SEMA4B: variants seen among roughly 807,000 people sequenced by gnomAD.
SEMA4B encodes the protein semaphorin-4B.
Under a neutral mutation model 88.1 loss-of-function variants are expected in SEMA4B, and 55 were observed. The ratio of observed to expected loss-of-function variants is 0.62; its 90% CI spans 0.50 to 0.78. The LOEUF (loss-of-function observed/expected upper bound fraction) is 0.78, where lower values mean the gene tolerates loss of function less well. Ranked by LOEUF, SEMA4B falls within the 30% of genes least tolerant of loss-of-function variation. The pLI, the probability that SEMA4B is intolerant of heterozygous loss-of-function variation, is 0.00. For synonymous variants in SEMA4B, 525 were observed against 473.6 expected, an observed-to-expected ratio of 1.11 and a Z score of -1.41; for missense variants, 1,062 against 1,111.9, an observed-to-expected ratio of 0.96 and a Z score of 0.64.
At position 90,219,844 on chromosome 15, in the gene SEMA4B, C is replaced by G. The variant is rs1312550743; in HGVS notation, c.436C>G (p.Leu146Val). Residue 146 changes from leucine (L) to valine (V), a missense_variant, in exon 4 of 14, where the codon CTG becomes GTG. Coordinates refer to ENST00000411539, the MANE Select transcript of SEMA4B (RefSeq NM_198925.4). ...CCTCCTGCCGCTCAGCGGCAGTCAC[C>G]TGTTCACCTGTGGCACAGCAGCCTT... ...KILLPLSGSH[L>V]FTCGTAAFSP... 1 of 1,613,716 alleles carries G rather than the reference C, an allele frequency of 6.2e-7. No homozygotes were observed. Among genetic ancestry groups the G allele is most frequent in the Non-Finnish European group, 8.5e-7 (1 of 1,179,854 alleles).
upstream of SEMA4B, chr15:90,201,173 C>A (rs1960692721): frequency 3.3e-6 from 1 of 304,326 alleles, no homozygotes; most frequent in African/African-American, 2.3e-5. Context: ...CCCAGCGCTC[C>A]GGCGGCCGCC....
At chr15:90,205,849 C>T (rs564629841) in intron 1 of SEMA4B, among the ~76,000 whole-genome samples, 35 of 152,302 alleles carry the variant, frequency 2.3e-4, no homozygotes, top group Non-Finnish European at 3.5e-4. Flanking sequence ...ACCAGGGGTC[C>T]TGCTTAATTA....
At chr15:90,191,099 T>A (rs191266342) in intron 1 of SEMA4B, among the ~76,000 whole-genome samples, 2 of 152,308 alleles carry the variant, frequency 1.3e-5, no homozygotes, top group East Asian at 3.9e-4. Flanking sequence ...TGTTCTACCC[T>A]GTCAGGGCAG....
intron 1 of SEMA4B, among the ~76,000 whole-genome samples, chr15:90,214,328 CAA>C (rs11289702): frequency 1.1e-3 from 94 of 89,216 alleles, no homozygotes; most frequent in African/African-American, 1.3e-3. Flanking sequence ...AACTCCGTCT[CAA>C]AAAAAAAAAA....
chr15:90,228,657 G>C lies in SEMA4B; in HGVS notation c.*14G>C. 2 of 1,612,896 alleles carry C rather than the reference G, an allele frequency of 1.2e-6. No homozygotes were observed. The highest frequency in any genetic ancestry group is 1.7e-6 in the Non-Finnish European group (2 of 1,179,836). On this transcript the variant is annotated 3_prime_UTR_variant, in exon 14 of 14. Coordinates refer to ENST00000411539, the MANE Select transcript of SEMA4B (RefSeq NM_198925.4). ...TCTGTGGTGTGAGAGCTGACTTCCA[G>C]AGGACGCTGCCCTGGCTTCAGGGGC...
intron 1 of SEMA4B, among the ~76,000 whole-genome samples, chr15:90,188,252 T>C (rs960980325): frequency 1.3e-5 from 2 of 151,798 alleles, no homozygotes; most frequent in Non-Finnish European, 1.5e-5. Context: ...CAAGGGAGGT[T>C]GAGGCTTCAG....
At chr15:90,222,824 G>A (rs1961928893) in intron 7 of SEMA4B, among the ~76,000 whole-genome samples, 1 of 151,822 alleles carries the variant, frequency 6.6e-6, no homozygotes. Flanking sequence ...GAAATGTGGT[G>A]GGCAGTGACT....
At chr15:90,188,109 A>G (rs1300020846) in intron 1 of SEMA4B, among the ~76,000 whole-genome samples, 2 of 151,696 alleles carry the variant, frequency 1.3e-5, no homozygotes, top group Non-Finnish European at 1.5e-5. Context: ...GCTTGAGTCC[A>G]GGAGTTCGAG....
upstream of SEMA4B, among the ~76,000 whole-genome samples, chr15:90,197,930 A>ATT (rs564036454): frequency 2.8e-5 from 4 of 143,128 alleles, no homozygotes; most frequent in African/African-American, 5.2e-5. Context: ...TAATTAATTA[A>ATT]TTTTTTTTTT....
chr15:90,223,620 T>A lies in SEMA4B; in HGVS notation c.923T>A (p.Leu308Gln). 6.2e-7 allele frequency: 1 copy of A among 1,613,428 alleles called. No individual in the cohort carries two copies. The highest frequency in any genetic ancestry group is 8.5e-7 in the Non-Finnish European group (1 of 1,179,748). Residue 308 changes from leucine to glutamine, a missense_variant, in exon 8 of 14, where the codon CTG becomes CAG. Coordinates refer to ENST00000411539, the MANE Select transcript of SEMA4B (RefSeq NM_198925.4). ...TGGACCTCCTTCCTCAAGGCCCAGC[T>A]GCTGTGCTCACGGCCCGACGATGGC... ...QRWTSFLKAQ[L>Q]LCSRPDDGFP...
rs577417225 is a variant in SEMA4B at position 90,225,759 on chromosome 15, C to T, written c.1620C>T (p.Asp540=). Residue 540 remains aspartate, a synonymous_variant, in exon 12 of 14, where the codon GAC becomes GAT. Transcript: ENST00000411539. ...GTGGGGACTGCCTCCTCGCCCGGGACCCCTACTGTGCTTGGAGCGGCTCCA... is the reference window on the plus strand; with the variant it reads ...GTGGGGACTGCCTCCTCGCCCGGGATCCCTACTGTGCTTGGAGCGGCTCCA... The part of the protein sequence containing the change: ...RSCGDCLLAR[D]PYCAWSGSSC... The T allele has an allele frequency of 2.5e-6, 4 of 1,577,812 alleles. No homozygotes were observed. Among genetic ancestry groups the T allele is most frequent in the East Asian group, 2.3e-5 (1 of 42,712 alleles).
chr15:90,222,532 T>TG (rs1377618158), intron 7 of SEMA4B, among the ~76,000 whole-genome samples: 1 of 151,686 alleles, frequency 6.6e-6, no homozygotes, highest in Non-Finnish European at 1.5e-5. Context: ...ATGGTGCCAC[T>TG]GCACTCCAGC....
intron 1 of SEMA4B, among the ~76,000 whole-genome samples, chr15:90,209,272 C>T (rs1159660583): frequency 2.0e-5 from 3 of 152,046 alleles, no homozygotes; most frequent in Non-Finnish European, 2.9e-5. Context: ...GCACAAAGAC[C>T]GGGCGCGGTG....
In SEMA4B at chr15:90,228,512, C is replaced by T. The variant is rs770163319; in HGVS notation, c.2383C>T (p.Pro795Ser). Residue 795 changes from proline (P) to serine (S), a missense_variant, in exon 14 of 14, where the codon CCG (proline) becomes TCG (serine). Transcript: ENST00000411539. Reference protein sequence around the residue: ...RGYQSLSDSPPGSRVFTESEK... With the variant: ...RGYQSLSDSPSGSRVFTESEK... ...GTACCAGTCCCTGTCAGACAGCCCC[C>T]CGGGGTCCCGAGTCTTCACTGAGTC... is the stretch of plus-strand genomic sequence containing the variant. 1.2e-5 allele frequency: 19 copies of T among 1,611,406 alleles called. No individual in the cohort carries two copies. Among genetic ancestry groups the T allele is most frequent in the Admixed American group, 1.7e-5 (1 of 59,728 alleles).
chr15:90,199,852 G>A (rs1380488218), upstream of SEMA4B, among the ~76,000 whole-genome samples: 1 of 152,016 alleles, frequency 6.6e-6, no homozygotes, highest in Non-Finnish European at 1.5e-5. Context: ...AGGCCTTTTG[G>A]AGTTAAGGGC....
chr15:90,221,012 G>A lies in SEMA4B; in HGVS notation c.514G>A (p.Glu172Lys), dbSNP rs770802894. Reference protein sequence around the residue: ...NMENFTLARDEKGNVLLEDGK... With the variant: ...NMENFTLARDKKGNVLLEDGK... ...GGAGAACTTCACCCTGGCAAGGGACGAGAAGGGGAATGTCCTCCTGGAAGA... is the reference window on the plus strand; with the variant it reads ...GGAGAACTTCACCCTGGCAAGGGACAAGAAGGGGAATGTCCTCCTGGAAGA... Residue 172 changes from glutamate (E) to lysine (K), a missense_variant, in exon 5 of 14, where the codon GAG becomes AAG. Physicochemically the swap from Glu to Lys is moderately conservative, Grantham distance 56 (BLOSUM62 1). Coordinates refer to ENST00000411539, the MANE Select transcript of SEMA4B (RefSeq NM_198925.4). 3.7e-5 allele frequency: 59 copies of A among 1,610,240 alleles called. No homozygotes were observed. Among genetic ancestry groups the A allele is most frequent in the Admixed American group, 2.7e-4 (16 of 59,476 alleles).
At chr15:90,207,499 T>C (rs1302892495) in intron 1 of SEMA4B, among the ~76,000 whole-genome samples, 1 of 152,150 alleles carries the variant, frequency 6.6e-6, no homozygotes, top group Non-Finnish European at 1.5e-5. Flanking sequence ...TGCTGTTGGA[T>C]GTGGAAGTGC....
intron 1 of SEMA4B, among the ~76,000 whole-genome samples, chr15:90,215,494 C>G (rs1961491062): frequency 6.6e-6 from 1 of 152,082 alleles, no homozygotes; most frequent in Non-Finnish European, 1.5e-5. Flanking sequence ...TGTTGTTATT[C>G]TGCAAAAACA....
At chr15:90,224,037 T>TC (rs985040773) in intron 9 of SEMA4B, 49 bp downstream of exon 9, 4 of 1,562,768 alleles carry the variant, frequency 2.6e-6, no homozygotes, top group Non-Finnish European at 3.5e-6. Flanking sequence ...AAGATGTGGG[T>TC]CCCCACACCA....
Sources: gnomAD v4.1 joint callset for allele counts (sites outside exome capture counted in the v4.1 genomes callset) on GRCh38, gnomAD v4.1.1 for gene constraint, MANE v1.5 for transcripts, NCBI Gene and HGNC (gene_info 2026-07-23, HGNC 2026-07-21) for gene names.